NRG3: variants seen among roughly 807,000 people sequenced by gnomAD.
NRG3 encodes the protein pro-neuregulin-3, membrane-bound isoform.
A neutral mutation model predicts 66.9 loss-of-function variants in NRG3; 31 were observed. The observed-to-expected ratio is 0.46, with a 90% confidence interval of 0.35 to 0.63. NRG3 has a LOEUF of 0.63. NRG3 is among the 20% of genes least tolerant of loss of function. The probability of loss-of-function intolerance (pLI) is 0.00; values close to 1 mark genes in which losing one functional copy is unlikely to be tolerated. For synonymous variants in NRG3, 393 were observed against 359.4 expected, an observed-to-expected ratio of 1.09 and a Z score of -1.06; for missense variants, 910 against 878.9, an observed-to-expected ratio of 1.04 and a Z score of -0.45.
At chr10:82,729,875 T>C (rs1305470195) in intron 2 of NRG3, among the ~76,000 whole-genome samples, 1 of 152,180 alleles carries the variant, frequency 6.6e-6, no homozygotes, top group East Asian at 1.9e-4. Context: ...TATTATATTT[T>C]TTAACTCATC....
chr10:82,946,994 A>G (rs1849091977), intron 4 of NRG3, among the ~76,000 whole-genome samples: 1 of 152,164 alleles, frequency 6.6e-6, no homozygotes, highest in Non-Finnish European at 1.5e-5. Flanking sequence ...TTTATAATGT[A>G]TCACTAGATA....
chr10:82,962,644 C>A (rs1442810003), intron 6 of NRG3, among the ~76,000 whole-genome samples: 4 of 151,936 alleles, frequency 2.6e-5, no homozygotes, highest in African/African-American at 9.7e-5. Flanking sequence ...TTCAAGACCA[C>A]CCTGGCCAAC....
At chr10:81,932,818 G>C (rs114764418) in intron 1 of NRG3, among the ~76,000 whole-genome samples, 1,679 of 152,158 alleles carry the variant, frequency 0.011, 37 homozygotes, top group African/African-American at 0.038. Context: ...TCAGAAATTT[G>C]TTCTTTCTGG....
intron 3 of NRG3, among the ~76,000 whole-genome samples, chr10:82,790,403 A>C (rs1351532280): frequency 6.6e-6 from 1 of 151,894 alleles, no homozygotes. Context: ...ATGTCATCCC[A>C]CCACATCGTG....
intron 1 of NRG3, among the ~76,000 whole-genome samples, chr10:82,197,912 C>T (rs2074530977): frequency 6.6e-6 from 1 of 152,030 alleles, no homozygotes; most frequent in African/African-American, 2.4e-5. Flanking sequence ...ATTAATAAAG[C>T]TGCTTTGTTT....
intron 4 of NRG3, among the ~76,000 whole-genome samples, chr10:82,882,285 C>T (rs548992741): frequency 5.3e-5 from 8 of 152,256 alleles, no homozygotes; most frequent in African/African-American, 1.2e-4. Context: ...AAGACACAAA[C>T]GACATTATCT....
intron 1 of NRG3, among the ~76,000 whole-genome samples, chr10:82,273,312 G>C (rs934577049): frequency 6.6e-6 from 1 of 151,930 alleles, no homozygotes; most frequent in Non-Finnish European, 1.5e-5. Flanking sequence ...CTTCTGTAGA[G>C]TCGACAACTG....
At chr10:82,004,028 C>CACAT (rs1554881621) in intron 1 of NRG3, among the ~76,000 whole-genome samples, 2,443 of 145,726 alleles carry the variant, frequency 0.017, 85 homozygotes, top group African/African-American at 0.058. Flanking sequence ...CACACACACA[C>CACAT]ACACACAGAT....
chr10:82,438,101 G>T (rs554550111), intron 2 of NRG3, among the ~76,000 whole-genome samples: 4 of 152,252 alleles, frequency 2.6e-5, no homozygotes, highest in African/African-American at 9.6e-5. Flanking sequence ...TTCACTGGGG[G>T]GAAACCCACT....
chr10:82,786,056 C>T (rs951567593), intron 3 of NRG3, among the ~76,000 whole-genome samples: 5 of 152,068 alleles, frequency 3.3e-5, no homozygotes, highest in East Asian at 1.9e-4. Context: ...GGTGCCACCC[C>T]GGAGAGCCTC....
intron 1 of NRG3, among the ~76,000 whole-genome samples, chr10:82,102,654 T>G (rs912024816): frequency 5.3e-5 from 8 of 151,922 alleles, no homozygotes; most frequent in Non-Finnish European, 1.2e-4. Context: ...ACACACACAG[T>G]ATGTGTAGGT....
At chr10:82,005,897 TTGTG>T (rs58906037) in intron 1 of NRG3, among the ~76,000 whole-genome samples, 1 of 148,730 alleles carries the variant, frequency 6.7e-6, no homozygotes, top group Non-Finnish European at 1.5e-5. Context: ...AATGTGTATT[TTGTG>T]TGTGTGTGTG....
chr10:82,819,087 T>C (rs1321204013), intron 3 of NRG3, among the ~76,000 whole-genome samples: 1 of 152,234 alleles, frequency 6.6e-6, no homozygotes, highest in African/African-American at 2.4e-5. Flanking sequence ...TATTTTGTAA[T>C]TGGGATCATT....
At chr10:82,947,927 C>A (rs1466148010) in intron 4 of NRG3, among the ~76,000 whole-genome samples, 4 of 151,922 alleles carry the variant, frequency 2.6e-5, no homozygotes, top group Non-Finnish European at 2.9e-5. Context: ...AGATAAAGTC[C>A]ATTTTATTGA....
chr10:82,064,076 CCAAA>C (rs148971945), intron 1 of NRG3, among the ~76,000 whole-genome samples: 5,124 of 152,110 alleles, frequency 0.034, 276 homozygotes, highest in African/African-American at 0.12. Flanking sequence ...ATAATTTTTC[CCAAA>C]CAAACTTTTA....
chr10:82,394,355 G>T (rs541359463), intron 2 of NRG3, among the ~76,000 whole-genome samples: 4 of 152,314 alleles, frequency 2.6e-5, no homozygotes, highest in South Asian at 2.1e-4. Flanking sequence ...CCAAAGCAAA[G>T]CTCCCTCATG....
chr10:82,223,410 G>A (rs950049108), intron 1 of NRG3, among the ~76,000 whole-genome samples: 2 of 152,110 alleles, frequency 1.3e-5, no homozygotes, highest in Admixed American at 1.3e-4. Context: ...GTATTTGGAA[G>A]AAGCTTTTCT....
chr10:82,011,809 G>A (rs1278735631), intron 1 of NRG3, among the ~76,000 whole-genome samples: 1 of 152,188 alleles, frequency 6.6e-6, no homozygotes, highest in African/African-American at 2.4e-5. Context: ...GAAGAGATGG[G>A]TTGCCGTGGT....
chr10:82,973,953 A>T, intron 7 of NRG3, 38 bp downstream of exon 7: 2 of 1,612,102 alleles, frequency 1.2e-6, no homozygotes, highest in South Asian at 1.1e-5. Flanking sequence ...GGGCACCTTC[A>T]CACTGTGTGT....
Sources: gnomAD v4.1 joint callset for allele counts (sites outside exome capture counted in the v4.1 genomes callset) on GRCh38, gnomAD v4.1.1 for gene constraint, MANE v1.5 for transcripts, NCBI Gene and HGNC (gene_info 2026-07-23, HGNC 2026-07-21) for gene names.